The following TCF25 variants were observed in gnomAD, a reference collection of about 807,000 sequenced individuals.
TCF25 encodes ribosome quality control complex subunit TCF25.
In TCF25, 41 loss-of-function variants were observed where a neutral mutation model predicts 83.1. That is an observed-to-expected ratio of 0.49 (90% CI 0.38 to 0.64). The LOEUF (loss-of-function observed/expected upper bound fraction) is 0.64, where lower values mean the gene tolerates loss of function less well. Among genes scored for constraint, TCF25 ranks in the 30% least tolerant of loss-of-function variants. The pLI is 0.00. For synonymous variants in TCF25, 458 were observed against 365.0 expected, an observed-to-expected ratio of 1.25 and a Z score of -2.90; for missense variants, 979 against 914.5, an observed-to-expected ratio of 1.07 and a Z score of -0.91.
chr16:89,893,939 TG>T, intron 7 of TCF25, 81 bp downstream of exon 7: 1 of 1,532,538 alleles, frequency 6.5e-7, no homozygotes. Flanking sequence ...CCCTGGTGGC[TG>T]GGGGAGGCAT....
chr16:89,903,756 G>A (rs1184967992), intron 12 of TCF25, among the ~76,000 whole-genome samples: 2 of 152,148 alleles, frequency 1.3e-5, no homozygotes, highest in African/African-American at 4.8e-5. Context: ...GCAGTGAGCC[G>A]AGATTTCGCC....
chr16:89,876,183 T>C (rs921016465), intron 1 of TCF25, among the ~76,000 whole-genome samples: 4 of 152,162 alleles, frequency 2.6e-5, no homozygotes, highest in Non-Finnish European at 5.9e-5. Flanking sequence ...AATGACTGCT[T>C]ATCGTGCTGT....
At chr16:89,884,480 A>G (rs2042834411) in intron 2 of TCF25, 102 bp from the exon 3 acceptor site, 1 of 1,190,592 alleles carries the variant, frequency 8.4e-7, no homozygotes, top group Non-Finnish European at 1.2e-6. Context: ...AGGGAGAGGT[A>G]GGGGCTGCTT....
chr16:89,901,303 C>A (rs540493742), intron 12 of TCF25, among the ~76,000 whole-genome samples: 172 of 152,348 alleles, frequency 1.1e-3, no homozygotes, highest in African/African-American at 4.1e-3. Context: ...CTGGTCAGAC[C>A]TCGGGGCTGA....
chr16:89,907,376 T>TTCCCACC lies in TCF25; in HGVS notation c.1799+59_1799+60insCCTCCCA, dbSNP rs2044908542. 6.7e-4 allele frequency: 127 copies of TTCCCACC among 189,554 alleles called. 12 individuals are homozygous for TTCCCACC. Among genetic ancestry groups the TTCCCACC allele is most frequent in the African/African-American group, 3.1e-3 (37 of 12,074 alleles). 11.7% of individuals were successfully genotyped at this position (189,554 alleles called of 1,614,324 possible). A position where few individuals can be genotyped will look rare whatever the true frequency, so the allele number is the denominator to read the frequency against. ...CCAGCTCCCACCTCCCTCCTCCCAG[T>TTCCCACC]TCCCAGCTCCCAGCTCCCACCTCCC... is the stretch of plus-strand genomic sequence containing the variant. On this transcript the variant is annotated intron_variant, in intron 16 of 17. Coordinates refer to ENST00000263346, the MANE Select transcript of TCF25 (RefSeq NM_014972.3).
chr16:89,900,919 G>A (rs751629780), intron 12 of TCF25, 125 bp downstream of exon 12: 15 of 1,153,100 alleles, frequency 1.3e-5, no homozygotes, highest in African/African-American at 1.5e-5. Flanking sequence ...GCATTCTCTG[G>A]TAGGGCCTGC....
chr16:89,875,853 A>G (rs1360164076), intron 1 of TCF25, among the ~76,000 whole-genome samples: 1 of 46,678 alleles, frequency 2.1e-5, no homozygotes, highest in Admixed American at 2.9e-4. Flanking sequence ...TTTTTTGGTT[A>G]CAGACAGGGT....
intron 1 of TCF25, among the ~76,000 whole-genome samples, chr16:89,877,116 AT>A (rs1397370438): frequency 3.7e-5 from 5 of 135,518 alleles, no homozygotes; most frequent in African/African-American, 1.7e-4. Flanking sequence ...AAATAAATAA[AT>A]AAATAAATAA....
chr16:89,888,575 C>T (rs1164024998), intron 5 of TCF25, among the ~76,000 whole-genome samples: 2 of 146,398 alleles, frequency 1.4e-5, no homozygotes, highest in African/African-American at 5.1e-5. Flanking sequence ...GCAACGAGAG[C>T]GAAACTCCAT....
rs2045485844 is a variant in TCF25, at chr16:89,910,659, T to C, written c.1868T>C (p.Met623Thr). 11 of 1,613,110 alleles carry C rather than the reference T, an allele frequency of 6.8e-6. No homozygotes were observed. Among genetic ancestry groups the C allele is most frequent in the South Asian group, 1.1e-5 (1 of 91,072 alleles). ...CGGTCACTGTTGCCAAACTATACCA[T>C]GGAGGTAGGTTGAGCTCGTCCCAGC... ...FFRSLLPNYT[M>T]EGERPEEGVA... Residue 623 changes from methionine to threonine, a missense_variant, in exon 17 of 18, where the codon ATG (methionine) becomes ACG (threonine). Met to Thr is a moderately conservative substitution (Grantham distance 81). Coordinates refer to ENST00000263346, the MANE Select transcript of TCF25 (RefSeq NM_014972.3).
chr16:89,877,095 C>G (rs1296690060), intron 1 of TCF25, among the ~76,000 whole-genome samples: 1 of 147,858 alleles, frequency 6.8e-6, no homozygotes, highest in Non-Finnish European at 1.5e-5. Flanking sequence ...CAGCGAGACT[C>G]TGTCTCAAAA....
intron 4 of TCF25, among the ~76,000 whole-genome samples, chr16:89,886,862 G>A (rs1172617630): frequency 2.0e-5 from 3 of 152,016 alleles, no homozygotes; most frequent in South Asian, 2.1e-4. Context: ...GCTTGAACCC[G>A]GGAGGCAGAG....
intron 12 of TCF25, among the ~76,000 whole-genome samples, chr16:89,903,615 G>A (rs2044528033): frequency 6.6e-6 from 1 of 152,154 alleles, no homozygotes; most frequent in South Asian, 2.1e-4. Flanking sequence ...AGACCAGCCT[G>A]GCCAGCATGG....
chr16:89,873,759 A>G lies in TCF25; in HGVS notation c.92A>G (p.Asp31Gly). ...GCCTTGCATTTCGATCTCCGTGATG[A>G]CGATGACGCGGAAGAAGAAGGGCCC... The part of the protein sequence containing the change: ...PGALHFDLRD[D>G]DDAEEEGPKR... Residue 31 changes from aspartate (D) to glycine (G), a missense_variant, in exon 1 of 18, where the codon GAC becomes GGC. Transcript: ENST00000263346. 6.2e-7 allele frequency: 1 copy of G among 1,611,432 alleles called. No individual in the cohort carries two copies. Among genetic ancestry groups the G allele is most frequent in the Non-Finnish European group, 8.5e-7 (1 of 1,179,392 alleles).
intron 1 of TCF25, among the ~76,000 whole-genome samples, chr16:89,876,465 T>C (rs949845091): frequency 6.6e-6 from 1 of 152,206 alleles, no homozygotes; most frequent in Non-Finnish European, 1.5e-5. Context: ...GATCTCTTTA[T>C]GTTGCCTAGG....
intron 16 of TCF25, among the ~76,000 whole-genome samples, chr16:89,908,605 C>T (rs937976692): frequency 4.2e-5 from 2 of 47,906 alleles, no homozygotes; most frequent in East Asian, 1.2e-3. Context: ...CCGCCTCCCT[C>T]CTCCCAGCTC....
chr16:89,883,288 A>G (rs1173010534), intron 1 of TCF25, 63 bp from the exon 2 acceptor site: 20 of 1,581,520 alleles, frequency 1.3e-5, no homozygotes, highest in South Asian at 5.8e-5. Flanking sequence ...CACTATTCAT[A>G]TCTCAGCATG....
At chr16:89,885,803 A>C in intron 3 of TCF25, 45 bp from the exon 4 acceptor site, 1 of 1,446,146 alleles carries the variant, frequency 6.9e-7, no homozygotes, top group Non-Finnish European at 9.7e-7. Flanking sequence ...CAATATTTAA[A>C]ATAATGTCAG....
chr16:89,883,554 G>A, intron 2 of TCF25, 42 bp downstream of exon 2: 1 of 1,547,386 alleles, frequency 6.5e-7, no homozygotes, highest in Non-Finnish European at 8.7e-7. Flanking sequence ...AGACGGGAGA[G>A]TTCCAAGGCA....
Sources: gnomAD v4.1 joint callset for allele counts (sites outside exome capture counted in the v4.1 genomes callset) on GRCh38, gnomAD v4.1.1 for gene constraint, MANE v1.5 for transcripts, NCBI Gene and HGNC (gene_info 2026-07-23, HGNC 2026-07-21) for gene names.